The following SLC25A16 variants were observed in gnomAD, a reference collection of about 807,000 sequenced individuals.
SLC25A16 encodes mitochondrial coenzyme A transporter SLC25A16.
Under a neutral mutation model 41.5 loss-of-function variants are expected in SLC25A16, and 39 were observed. The observed-to-expected ratio is 0.94, with a 90% CI of 0.73 to 1.23. SLC25A16 has a LOEUF of 1.23. Ranked by LOEUF, SLC25A16 falls within the 50% of genes most tolerant of loss-of-function variation. SLC25A16 has a pLI of 0.00. For missense variants in SLC25A16, 421 were observed against 426.9 expected, an observed-to-expected ratio of 0.99 and a Z score of 0.12; for synonymous variants, 146 against 147.8, an observed-to-expected ratio of 0.99 and a Z score of 0.09.
intron 3 of SLC25A16, among the ~76,000 whole-genome samples, chr10:68,505,516 G>GT (rs1371146532): frequency 2.0e-5 from 3 of 151,930 alleles, no homozygotes; most frequent in African/African-American, 7.3e-5. Context: ...GGCTATGCCT[G>GT]TAATCCCAAG....
rs779209981 is a variant in SLC25A16 at position 68,488,453 on chromosome 10, G to C, written c.773+14C>G. ...ACTATAATTTGATTAAATTAAGTTA[G>C]TGAAGAAACTTACGATATTGTCTGC... is the stretch of plus-strand genomic sequence containing the variant. On this transcript the variant is annotated intron_variant, in intron 7 of 8. Transcript: ENST00000609923. 8 of 1,469,350 alleles carry C rather than the reference G, an allele frequency of 5.4e-6. No homozygotes were observed. The South Asian group carries it at 1.0e-4, about 19-fold the overall frequency. The allele number at this position is 1,469,350 out of a possible 1,614,324, so 91.0% of individuals were successfully genotyped here.
At chr10:68,513,884 A>AG (rs1412768219) in intron 2 of SLC25A16, among the ~76,000 whole-genome samples, 2 of 140,378 alleles carry the variant, frequency 1.4e-5, no homozygotes, top group Non-Finnish European at 3.0e-5. Context: ...CATCTCAGAA[A>AG]GAAAAAAAAA....
chr10:68,523,583 A>G (rs2053284406), intron 1 of SLC25A16, among the ~76,000 whole-genome samples: 1 of 151,878 alleles, frequency 6.6e-6, no homozygotes, highest in Admixed American at 6.6e-5. Flanking sequence ...AGCGATTCTC[A>G]TGCCTCAGCT....
chr10:68,524,829 A>G (rs1049463887), intron 1 of SLC25A16, among the ~76,000 whole-genome samples: 1 of 151,822 alleles, frequency 6.6e-6, no homozygotes, highest in Non-Finnish European at 1.5e-5. Context: ...GTGAGCAGAG[A>G]TCGTGCCGCT....
intron 2 of SLC25A16, among the ~76,000 whole-genome samples, chr10:68,516,540 T>C (rs1172919348): frequency 2.0e-5 from 3 of 152,222 alleles, no homozygotes; most frequent in African/African-American, 4.8e-5. Context: ...TTTTTAATCA[T>C]GGCTAGCAAA....
chr10:68,512,776 G>A (rs931392268), intron 2 of SLC25A16, among the ~76,000 whole-genome samples: 4 of 152,038 alleles, frequency 2.6e-5, no homozygotes, highest in Non-Finnish European at 4.4e-5. Flanking sequence ...GGTGGCTCAT[G>A]CCTATAATCC....
Position 68,521,639 on chromosome 10 carries a change from G to T in SLC25A16, c.131-4796C>A, listed in dbSNP as rs528190068. ...GACGGAGTCTCGCTCTGTCGCCCAGGCTGGAGTGCAGTGGCGGGATCTCGG... is the reference window on the plus strand; with the variant it reads ...GACGGAGTCTCGCTCTGTCGCCCAGTCTGGAGTGCAGTGGCGGGATCTCGG... On this transcript the variant is annotated intron_variant, in intron 1 of 8. Transcript: ENST00000609923. 3.3e-3 allele frequency among the ~76,000 whole-genome samples: 484 copies of T among 144,920 alleles called. 6 individuals carry two copies. The highest frequency in any genetic ancestry group is 0.012 in the African/African-American group (467 of 38,616).
chr10:68,513,471 T>A (rs2053104931), intron 2 of SLC25A16, among the ~76,000 whole-genome samples: 1 of 151,318 alleles, frequency 6.6e-6, no homozygotes, highest in Non-Finnish European at 1.5e-5. Flanking sequence ...AAATGAGTTA[T>A]AATTAATATA....
intron 2 of SLC25A16, among the ~76,000 whole-genome samples, chr10:68,507,323 G>C (rs569410606): frequency 6.6e-6 from 1 of 151,676 alleles, no homozygotes; most frequent in African/African-American, 2.4e-5. Context: ...CACCCGTCTC[G>C]GCCTCCCAAA....
chr10:68,526,173 T>C (rs1233650551), intron 1 of SLC25A16, among the ~76,000 whole-genome samples: 1 of 151,526 alleles, frequency 6.6e-6, no homozygotes, highest in African/African-American at 2.4e-5. Context: ...GTCTCCTGCC[T>C]GTCCCTGGGC....
At chr10:68,518,722 C>T (rs982981631) in intron 1 of SLC25A16, among the ~76,000 whole-genome samples, 5 of 149,914 alleles carry the variant, frequency 3.3e-5, no homozygotes, top group African/African-American at 1.2e-4. Flanking sequence ...AATAGTGAGC[C>T]GAGATCGCAC....
At chr10:68,487,291 AT>A in intron 7 of SLC25A16, 79 bp from the exon 8 acceptor site, 1 of 995,868 alleles carries the variant, frequency 1.0e-6, no homozygotes, top group South Asian at 1.3e-5. Context: ...AGCCCTATAA[AT>A]TCAAAGAAAT....
At chr10:68,521,496 C>A (rs1250726778) in intron 1 of SLC25A16, among the ~76,000 whole-genome samples, 2 of 151,832 alleles carry the variant, frequency 1.3e-5, no homozygotes, top group African/African-American at 4.8e-5. Flanking sequence ...GCCACTGCAC[C>A]CAGCCTGGGT....
intron 1 of SLC25A16, among the ~76,000 whole-genome samples, chr10:68,520,826 A>T (rs1041180158): frequency 6.7e-6 from 1 of 150,058 alleles, no homozygotes; most frequent in African/African-American, 2.5e-5. Flanking sequence ...AAAAAAAAAA[A>T]AAAAATACAA....
chr10:68,496,772 G>C (rs189875667), intron 4 of SLC25A16: 1 of 787,674 alleles, frequency 1.3e-6, no homozygotes, highest in East Asian at 1.3e-4. Flanking sequence ...TGGTAATTAT[G>C]AATTATTTAT....
chr10:68,480,071 C>G lies in SLC25A16; in HGVS notation c.*3361G>C, dbSNP rs1203524596. ...TAAACATATCCAGTAACTTCTCCAC[C>G]TTCTACAGGTAATTACTGAAAACTA... On this transcript the variant is annotated 3_prime_UTR_variant, in exon 9 of 9. Transcript: ENST00000609923. 1 of 151,828 alleles carries G rather than the reference C, an allele frequency of 6.6e-6. No individual in the cohort carries two copies. The highest frequency in any genetic ancestry group is 1.5e-5 in the Non-Finnish European group (1 of 67,972). The allele number at this position is 151,828 out of a possible 1,614,324, so 9.4% of individuals were successfully genotyped here. A position where few individuals can be genotyped will look rare whatever the true frequency, so the allele number is the denominator to read the frequency against.
At chr10:68,500,548 T>G (rs1039571636) in intron 4 of SLC25A16, among the ~76,000 whole-genome samples, 2 of 151,608 alleles carry the variant, frequency 1.3e-5, no homozygotes, top group East Asian at 4.0e-4. Flanking sequence ...TCTCAGGTGA[T>G]CCACCTGCCT....
In SLC25A16 at chr10:68,516,687, C is replaced by G. The variant is rs192398914; in HGVS notation, c.223+64G>C. ...CTTTTTACACCCCCAAACTTAAATT[C>G]CCTTTTTTGCCCACTTTCCACAATA... On this transcript the variant is annotated intron_variant, in intron 2 of 8. Transcript: ENST00000609923. 7.7e-5 allele frequency: 90 copies of G among 1,173,090 alleles called. No homozygotes were observed. In the Admixed American group the frequency reaches 2.0e-3, roughly 26 times the overall value. The allele number at this position is 1,173,090 out of a possible 1,614,324, so 72.7% of individuals were successfully genotyped here.
chr10:68,525,861 C>T (rs2053329177), intron 1 of SLC25A16, among the ~76,000 whole-genome samples: 1 of 152,122 alleles, frequency 6.6e-6, no homozygotes, highest in African/African-American at 2.4e-5. Context: ...GGATTAAGGG[C>T]GGTGCAAGAT....
Sources: allele counts gnomAD v4.1 joint callset (sites outside exome capture counted in the v4.1 genomes callset), GRCh38; gene constraint gnomAD v4.1.1; transcripts MANE v1.5; gene names NCBI Gene and HGNC (gene_info 2026-07-23, HGNC 2026-07-21).